Variants in IGLL5 observed in about 807,000 individuals in gnomAD.
IGLL5 encodes immunoglobulin lambda-like polypeptide 5.
In IGLL5, 30 loss-of-function variants were observed where a neutral mutation model predicts 20.9. The ratio of observed to expected loss-of-function variants is 1.44; its 90% CI spans 1.07 to 1.95. The LOEUF (loss-of-function observed/expected upper bound fraction) is 1.95, where lower values mean the gene tolerates loss of function less well. Ranked by LOEUF, IGLL5 falls within the 30% of genes most tolerant of loss-of-function variation. The probability of loss-of-function intolerance (pLI) is 0.00; values close to 1 mark genes in which losing one functional copy is unlikely to be tolerated. For synonymous variants in IGLL5, 203 were observed against 117.3 expected (o/e 1.73, Z -4.72); for missense variants, 475 against 270.7 (o/e 1.75, Z -5.30).
chr22:22,891,330 T>G (rs1350860657), intron 1 of IGLL5, among the ~76,000 whole-genome samples: 1 of 151,238 alleles, frequency 6.6e-6, no homozygotes, highest in Non-Finnish European at 1.5e-5. Flanking sequence ...TTGTTGAATA[T>G]AAATGCAACT....
At chr22:22,888,609 A>C (rs2067622134) in intron 1 of IGLL5, among the ~76,000 whole-genome samples, 1 of 151,332 alleles carries the variant, frequency 6.6e-6, no homozygotes, top group Non-Finnish European at 1.5e-5. Flanking sequence ...CTGTCCCCAC[A>C]GGGTGCCCAG....
chr22:22,894,160 C>T (rs550825444), intron 2 of IGLL5, among the ~76,000 whole-genome samples: 5 of 151,510 alleles, frequency 3.3e-5, no homozygotes, highest in African/African-American at 9.7e-5. Context: ...CCAGTGACTC[C>T]TGGGGTCAAG....
At chr22:22,894,262 T>G (rs540071095) in intron 2 of IGLL5, among the ~76,000 whole-genome samples, 1 of 150,934 alleles carries the variant, frequency 6.6e-6, no homozygotes, top group African/African-American at 2.4e-5. Context: ...GGCTGAGGAC[T>G]GGATGCCAAT....
In IGLL5 at chr22:22,887,967, C is replaced by T. The variant is rs140924009; in HGVS notation, c.-87C>T. 1.5e-5 allele frequency: 16 copies of T among 1,065,498 alleles called. No homozygotes were observed. Among genetic ancestry groups the T allele is most frequent in the Middle Eastern group, 2.2e-4 (1 of 4,494 alleles). 66.0% of individuals were successfully genotyped at this position (1,065,498 alleles called of 1,614,324 possible). A position where few individuals can be genotyped will look rare whatever the true frequency, so the allele number is the denominator to read the frequency against. On this transcript the variant is annotated 5_prime_UTR_variant, in exon 1 of 3. Coordinates refer to ENST00000526893, the MANE Select transcript of IGLL5 (RefSeq NM_001178126.2). ...AATGGACTGGGGTGTACTGTAACAG[C>T]CCTGCTGGCGAGAGGGACCAGGGCA...
At chr22:22,889,071 T>G (rs532720309) in intron 1 of IGLL5, among the ~76,000 whole-genome samples, 2 of 151,162 alleles carry the variant, frequency 1.3e-5, no homozygotes, top group Admixed American at 6.6e-5. Context: ...TTGGATGGAT[T>G]TAGGTAGATT....
Position 22,895,929 on chromosome 22 carries a change from TCAC to T in IGLL5, c.*237_*239del. The T allele has an allele frequency of 8.3e-6, 5 of 600,946 alleles. No homozygotes were observed. The Admixed American group carries it at 8.8e-5, about 11-fold the overall frequency. The allele number at this position is 600,946 out of a possible 1,614,324, so 37.2% of individuals were successfully genotyped here. A position where few individuals can be genotyped will look rare whatever the true frequency, so the allele number is the denominator to read the frequency against. ...GGGAATTCTGCACCCAGTGTGAAAA[TCAC>T]CCAAGGGAGGAGGCTCACAGCCTCC... On this transcript the variant is annotated 3_prime_UTR_variant, in exon 3 of 3. Transcript: ENST00000526893.
intron 1 of IGLL5, among the ~76,000 whole-genome samples, chr22:22,889,544 T>G (rs1022746203): frequency 6.6e-6 from 1 of 151,200 alleles, no homozygotes; most frequent in East Asian, 2.0e-4. Flanking sequence ...AAAATCCAAA[T>G]ATCTACCAGA....
intron 1 of IGLL5, among the ~76,000 whole-genome samples, chr22:22,890,083 A>T (rs540829941): frequency 1.3e-5 from 2 of 150,972 alleles, no homozygotes; most frequent in South Asian, 2.1e-4. Context: ...ATACAACAGT[A>T]ATGTACTCAT....
In IGLL5 at chr22:22,888,280, G is replaced by C. The variant is rs568253274; in HGVS notation, c.206+21G>C. ...GGCAGGTAAGGGGCAAGAGATTCCA[G>C]GGGATGTGGGGGTCCTGCAGCAGAG... is the stretch of plus-strand genomic sequence containing the variant. On this transcript the variant is annotated intron_variant, in intron 1 of 2. Transcript: ENST00000526893. The C allele has an allele frequency of 8.8e-4, 1,354 of 1,543,282 alleles. 3 individuals are homozygous for C. The highest frequency in any genetic ancestry group is 1.1e-3 in the Non-Finnish European group (1,292 of 1,143,398).
intron 2 of IGLL5, among the ~76,000 whole-genome samples, chr22:22,895,099 C>T (rs2066723070): frequency 6.6e-6 from 1 of 151,406 alleles, no homozygotes; most frequent in South Asian, 2.1e-4. Context: ...AGGAACACAG[C>T]CTGCCCTGGG....
At chr22:22,894,134 T>A (rs756357480) in intron 2 of IGLL5, among the ~76,000 whole-genome samples, 1 of 151,412 alleles carries the variant, frequency 6.6e-6, no homozygotes, top group Non-Finnish European at 1.5e-5. Flanking sequence ...CCCTGCAGTG[T>A]CCTTAGGGAC....
chr22:22,888,460 T>G (rs113528445), intron 1 of IGLL5, among the ~76,000 whole-genome samples: 8 of 151,290 alleles, frequency 5.3e-5, no homozygotes, highest in African/African-American at 1.2e-4. Context: ...CATATTACGA[T>G]ATTATTTTTC....
chr22:22,894,698 C>G (rs2066684240), intron 2 of IGLL5, among the ~76,000 whole-genome samples: 1 of 151,418 alleles, frequency 6.6e-6, no homozygotes, highest in African/African-American at 2.4e-5. Context: ...TGCTGAGTCT[C>G]ATAGTCTGTG....
rs747947020 is a variant in IGLL5, at chr22:22,893,943, C to G, written c.325+125C>G. 6 of 753,418 alleles carry G rather than the reference C, an allele frequency of 8.0e-6. 1 individual carries two copies. Among genetic ancestry groups the G allele is most frequent in the South Asian group, 1.5e-5 (1 of 66,618 alleles). The allele number at this position is 753,418 out of a possible 1,614,324, so 46.7% of individuals were successfully genotyped here. On this transcript the variant is annotated intron_variant, in intron 2 of 2. Transcript: ENST00000526893. The stretch of plus-strand genomic sequence containing the variant: ...CTTAAGCACTGACCCTTACCTTTCT[C>G]CATGGGGCCTGGAGGAGGTGCATTA...
intron 1 of IGLL5, among the ~76,000 whole-genome samples, chr22:22,889,369 C>T (rs1601607755): frequency 3.3e-5 from 5 of 151,170 alleles, no homozygotes; most frequent in Middle Eastern, 3.7e-3. Flanking sequence ...ACCATTTTAG[C>T]AACAGGCGGC....
At chr22:22,889,727 A>G (rs555197446) in intron 1 of IGLL5, among the ~76,000 whole-genome samples, 1 of 151,276 alleles carries the variant, frequency 6.6e-6, no homozygotes, top group Non-Finnish European at 1.5e-5. Context: ...AGCTAGGACT[A>G]CAGATGCAGG....
chr22:22,891,048 G>A (rs374559309), intron 1 of IGLL5, among the ~76,000 whole-genome samples: 4 of 150,832 alleles, frequency 2.7e-5, no homozygotes, highest in African/African-American at 7.3e-5. Flanking sequence ...TCTGTTTTAC[G>A]GGTCTTTTGT....
rs200591615 is a variant in IGLL5 at position 22,895,557 on chromosome 22, A to T, written c.508A>T (p.Ser170Cys). The T allele has an allele frequency of 6.2e-7, 1 of 1,612,946 alleles. No homozygotes were observed. Among genetic ancestry groups the T allele is most frequent in the Admixed American group, 1.7e-5 (1 of 59,884 alleles). ...GGAGACCACCAAACCCTCCAAACAGAGCAACAACAAGTACGCGGCCAGCAG... is the reference window on the plus strand; with the variant it reads ...GGAGACCACCAAACCCTCCAAACAGTGCAACAACAAGTACGCGGCCAGCAG... ...GVETTKPSKQ[S>C]NNKYAASSYL... is the part of the protein sequence containing the mutation. Residue 170 changes from serine to cysteine, a missense_variant, in exon 3 of 3, where the codon AGC (serine) becomes TGC (cysteine). By Grantham distance (112) the Ser-to-Cys change is moderately radical. Coordinates refer to ENST00000526893, the MANE Select transcript of IGLL5 (RefSeq NM_001178126.2).
At chr22:22,894,433 T>G (rs1241009332) in intron 2 of IGLL5, among the ~76,000 whole-genome samples, 3 of 151,270 alleles carry the variant, frequency 2.0e-5, no homozygotes, top group African/African-American at 4.8e-5. Context: ...CTGGGTGAGG[T>G]GCCAGAATCC....
Sources: allele counts gnomAD v4.1 joint callset (sites outside exome capture counted in the v4.1 genomes callset), GRCh38; gene constraint gnomAD v4.1.1; transcripts MANE v1.5; gene names NCBI Gene and HGNC (gene_info 2026-07-23, HGNC 2026-07-21).